ESYT3: variants seen among roughly 807,000 people sequenced by gnomAD.
ESYT3 encodes extended synaptotagmin-3.
ESYT3 carries 101 observed loss-of-function variants against 111.5 expected under a neutral mutation model. That is an observed-to-expected ratio of 0.91 (90% CI 0.77 to 1.07). ESYT3 has a LOEUF of 1.07. Ranked by LOEUF, ESYT3 falls within the 50% of genes least tolerant of loss-of-function variation. The probability of loss-of-function intolerance (pLI) is 0.00; values close to 1 mark genes in which losing one functional copy is unlikely to be tolerated. For synonymous variants in ESYT3, 416 were observed against 446.8 expected (o/e 0.93, Z 0.87); for missense variants, 1,097 against 1,109.4 (o/e 0.99, Z 0.16).
chr3:138,442,477 TCCTCTGTCCGCAGTTTCTC>T (rs563128091), intron 1 of ESYT3, among the ~76,000 whole-genome samples: 39 of 152,292 alleles, frequency 2.6e-4, no homozygotes, highest in African/African-American at 8.9e-4. Flanking sequence ...GGGTGGTGGT[TCCTCTGTCCGCAGTTTCTC>T]CCTCTGATCT....
intron 7 of ESYT3, 46 bp downstream of exon 7, chr3:138,460,712 C>T (rs2032584425): frequency 1.3e-6 from 2 of 1,592,478 alleles, no homozygotes; most frequent in South Asian, 1.1e-5. Flanking sequence ...GTTTGGGGGC[C>T]TCCAGGGCTC....
chr3:138,459,174 C>T lies in ESYT3; in HGVS notation c.582-13C>T, dbSNP rs1271966745. The T allele has an allele frequency of 4.7e-6, 7 of 1,489,320 alleles. No individual in the cohort carries two copies. Among genetic ancestry groups the T allele is most frequent in the African/African-American group, 4.2e-5 (3 of 71,110 alleles). The allele number at this position is 1,489,320 out of a possible 1,614,324, so 92.3% of individuals were successfully genotyped here. A position where few individuals can be genotyped will look rare whatever the true frequency, so the allele number is the denominator to read the frequency against. The stretch of plus-strand genomic sequence containing the variant: ...CCCTCCTCCCCACCTTCCTTTTCCA[C>T]CCCCCATTTCAGCTACATCGGGGAC... On this transcript the variant is annotated splice_polypyrimidine_tract_variant and intron_variant, in intron 4 of 22. Transcript: ENST00000389567.
downstream of ESYT3, chr3:138,480,720 C>G (rs1429322405): frequency 6.6e-6 from 1 of 152,148 alleles, no homozygotes; most frequent in Non-Finnish European, 1.5e-5. Context: ...CCATTTCTCT[C>G]CAAATTAATT....
intron 8 of ESYT3, among the ~76,000 whole-genome samples, chr3:138,463,080 T>C (rs2032736096): frequency 6.6e-6 from 1 of 152,096 alleles, no homozygotes; most frequent in African/African-American, 2.4e-5. Context: ...CCAGCATGCT[T>C]TTTTTTGGGC....
In ESYT3 at chr3:138,457,092, G is replaced by A. The variant is rs116381956; in HGVS notation, c.505-476G>A. ...CCTGGGCTTGGCCAGGACCTAGTGC[G>A]CTCACCACACCCCCTTTCTTCACAC... On this transcript the variant is annotated intron_variant, in intron 3 of 22. Transcript: ENST00000389567. Among the ~76,000 whole-genome samples the A allele has an allele frequency of 4.5e-3, 688 of 152,190 alleles. 7 individuals are homozygous for A. The highest frequency in any genetic ancestry group is 0.016 in the African/African-American group (651 of 41,522).
chr3:138,476,691 C>T, intron 22 of ESYT3, 127 bp from the exon 23 acceptor site: 1 of 1,139,252 alleles, frequency 8.8e-7, no homozygotes, highest in Non-Finnish European at 1.3e-6. Context: ...CCCTGGCTGG[C>T]CAACTTACAG....
chr3:138,473,403 G>A, intron 18 of ESYT3, 133 bp from the exon 19 acceptor site: 1 of 782,112 alleles, frequency 1.3e-6, no homozygotes, highest in Non-Finnish European at 2.0e-6. Context: ...CCATCTGAAA[G>A]TAAACTCACT....
At chr3:138,467,711 C>T in intron 11 of ESYT3, 102 bp downstream of exon 11, 2 of 1,097,176 alleles carry the variant, frequency 1.8e-6, no homozygotes, top group Non-Finnish European at 1.3e-6. Context: ...ATGCTGTGGT[C>T]CCCCTCTGTG....
chr3:138,474,479 T>G, intron 20 of ESYT3, 127 bp downstream of exon 20: 2 of 1,083,018 alleles, frequency 1.8e-6, no homozygotes, highest in Non-Finnish European at 1.3e-6. Flanking sequence ...ACATAGTCTA[T>G]GACTTCATGA....
At position 138,436,818 on chromosome 3, in the gene ESYT3, G is replaced by GC. The variant is rs2030735547; in HGVS notation, c.327+1694dup. On this transcript the variant is annotated intron_variant, in intron 1 of 22. Coordinates refer to ENST00000389567, the MANE Select transcript of ESYT3 (RefSeq NM_031913.5). Reference sequence around the variant, plus strand: ...GGCCTTAGCCCATGAGGGTGGGCCTGCGAGTCTTCACCAAGTAACATCCCT... The same window carrying GC: ...GGCCTTAGCCCATGAGGGTGGGCCTGCCGAGTCTTCACCAAGTAACATCCCT... Among the ~76,000 whole-genome samples, 3 of 152,330 alleles carry GC rather than the reference G, an allele frequency of 2.0e-5. 1 individual carries two copies. The highest frequency in any genetic ancestry group is 7.2e-5 in the African/African-American group (3 of 41,578).
At chr3:138,439,258 A>G (rs954868570) in intron 1 of ESYT3, among the ~76,000 whole-genome samples, 3 of 152,168 alleles carry the variant, frequency 2.0e-5, no homozygotes, top group Non-Finnish European at 4.4e-5. Flanking sequence ...ATATGAAATG[A>G]ATGCCCAAGT....
chr3:138,435,678 TTCCC>T lies in ESYT3; in HGVS notation c.327+565_327+568del, dbSNP rs71637088. 9.5e-3 allele frequency among the ~76,000 whole-genome samples: 1,318 copies of T among 138,764 alleles called. 22 individuals are homozygous for T. Among genetic ancestry groups the T allele is most frequent in the African/African-American group, 0.031 (1,238 of 40,068 alleles). The allele number at this position is 138,764 out of a possible 152,430, so 91.0% of individuals were successfully genotyped here. A position where few individuals can be genotyped will look rare whatever the true frequency, so the allele number is the denominator to read the frequency against. On this transcript the variant is annotated intron_variant, in intron 1 of 22. Coordinates refer to ENST00000389567, the MANE Select transcript of ESYT3 (RefSeq NM_031913.5). The surrounding 1 kb of genome is among the most constrained non-coding windows in gnomAD (Gnocchi z 4.8). The stretch of plus-strand genomic sequence containing the variant: ...CGACGGCGCCGGGCCCCGGGCCTCC[TTCCC>T]TCCCTCCCTCCGCCGGATAGGGATG...
rs144969243 is a variant in ESYT3 at position 138,470,132 on chromosome 3, C to T, written c.1576C>T (p.Arg526Trp). 7.7e-4 allele frequency: 1,248 copies of T among 1,611,930 alleles called. 11 individuals are homozygous for T. The African/African-American group carries it at 0.015, about 19-fold the overall frequency. Residue 526 changes from arginine (R) to tryptophan (W), a missense_variant, in exon 16 of 23, where the codon CGG (arginine) becomes TGG (tryptophan). By Grantham distance (101) the Arg-to-Trp change is moderately radical. Transcript: ENST00000389567. ...SFFVHNVATERLHLKVLDDDQ... is the reference protein window; with the variant it reads ...SFFVHNVATEWLHLKVLDDDQ... ...CTTTGTGCACAATGTGGCCACTGAGCGGCTCCATCTGAAGGTTTGATGGAA... is the reference window on the plus strand; with the variant it reads ...CTTTGTGCACAATGTGGCCACTGAGTGGCTCCATCTGAAGGTTTGATGGAA...
At position 138,457,591 on chromosome 3, in the gene ESYT3, G is replaced by C; in HGVS notation, c.528G>C (p.Lys176Asn). 6.2e-7 allele frequency: 1 copy of C among 1,614,160 alleles called. No homozygotes were observed. Among genetic ancestry groups the C allele is most frequent in the African/African-American group, 1.3e-5 (1 of 75,060 alleles). ...AGTGTCCCAGGGTCAACGGTGTCAA[G>C]GCACACACTAATACGTGCAACCGAA... ...GQKCPRVNGV[K>N]AHTNTCNRRR... Residue 176 changes from lysine to asparagine, a missense_variant, in exon 4 of 23, where the codon AAG becomes AAC. Physicochemically the swap from Lys to Asn is moderately conservative, Grantham distance 94. Coordinates refer to ENST00000389567, the MANE Select transcript of ESYT3 (RefSeq NM_031913.5).
chr3:138,452,942 G>T (rs372781370), intron 2 of ESYT3, among the ~76,000 whole-genome samples: 1 of 152,140 alleles, frequency 6.6e-6, no homozygotes. Flanking sequence ...TTCCCTAGCC[G>T]GGCATGGTAG....
intron 15 of ESYT3, 88 bp from the exon 16 acceptor site, chr3:138,469,972 C>T (rs1576463138): frequency 3.5e-6 from 4 of 1,134,474 alleles, no homozygotes; most frequent in Admixed American, 2.0e-5. Context: ...CCCAATGGTA[C>T]CTGGTGGCCA....
At chr3:138,475,503 T>G (rs1336995772) in intron 20 of ESYT3, among the ~76,000 whole-genome samples, 3 of 152,140 alleles carry the variant, frequency 2.0e-5, no homozygotes, top group Non-Finnish European at 4.4e-5. Context: ...GTGGCCACTG[T>G]TTTCCATGCA....
At chr3:138,473,322 C>A in intron 18 of ESYT3, 1 of 624,918 alleles carries the variant, frequency 1.6e-6, no homozygotes, top group Non-Finnish European at 2.5e-6. Flanking sequence ...AGGCAGATTC[C>A]ACTTCAGGGT....
chr3:138,459,354 G>A (rs1204914490), intron 5 of ESYT3, 101 bp downstream of exon 5: 2 of 924,100 alleles, frequency 2.2e-6, no homozygotes, highest in Non-Finnish European at 3.2e-6. Context: ...GAAGGTGGTG[G>A]CAACACTAAA....
Sources: allele counts gnomAD v4.1 joint callset (sites outside exome capture counted in the v4.1 genomes callset), GRCh38; gene constraint gnomAD v4.1.1; non-coding constraint Gnocchi (gnomAD v3.1); transcripts MANE v1.5; gene names NCBI Gene and HGNC (gene_info 2026-07-23, HGNC 2026-07-21).